The following MIR17HG variants were observed in gnomAD, a reference collection of about 807,000 sequenced individuals.
The protein encoded by MIR17HG is miR-17-92a-1 cluster host gene.
At chr13:91,353,347 G>T (rs966291880) in intron 3 of MIR17HG, among the ~76,000 whole-genome samples, 2 of 152,150 alleles carry the variant, frequency 1.3e-5, no homozygotes, top group Non-Finnish European at 2.9e-5. Context: ...ATTGTGTTCA[G>T]AACTTAATTG....
chr13:91,347,699 G>A (rs1875026021), upstream of MIR17HG: 1 of 152,808 alleles, frequency 6.5e-6, no homozygotes, highest in African/African-American at 2.4e-5. Flanking sequence ...TCACCCACAT[G>A]GTCCTTCGAG....
At chr13:91,353,109 C>CA (rs549062236) in intron 3 of MIR17HG, among the ~76,000 whole-genome samples, 692 of 28,790 alleles carry the variant, frequency 0.024, 30 homozygotes, top group East Asian at 0.036. Context: ...GACTTAAACG[C>CA]AAAAAAAAAA....
chr13:91,349,089 G>C (rs1875138712), intron 1 of MIR17HG, among the ~76,000 whole-genome samples: 1 of 151,966 alleles, frequency 6.6e-6, no homozygotes, highest in South Asian at 2.1e-4. Context: ...CGGCTACGCG[G>C]AGAATCGCAG....
Sources: allele counts gnomAD v4.1 joint callset (sites outside exome capture counted in the v4.1 genomes callset), GRCh38; gene constraint gnomAD v4.1.1; transcripts MANE v1.5; gene names NCBI Gene and HGNC (gene_info 2026-07-23, HGNC 2026-07-21).